MT1M: variants seen among roughly 807,000 people sequenced by gnomAD.
MT1M encodes metallothionein 1M, also known as metallothionein-1M.
Under a neutral mutation model 8.5 loss-of-function variants are expected in MT1M, and 11 were observed. That is an observed-to-expected ratio of 1.29 (90% CI 0.81 to 2.14). The LOEUF (loss-of-function observed/expected upper bound fraction) is 2.14, where lower values mean the gene tolerates loss of function less well. MT1M is among the 30% of genes most tolerant of loss of function. The pLI is 0.00. For synonymous variants in MT1M, 28 were observed against 30.0 expected (o/e 0.93, Z 0.22); for missense variants, 84 against 76.6 (o/e 1.10, Z -0.36).
At position 56,633,571 on chromosome 16, in the gene MT1M, C is replaced by G. The variant is rs1441175809; in HGVS notation, c.94+166C>G. 20 of 1,592,404 alleles carry G rather than the reference C, an allele frequency of 1.3e-5. No individual in the cohort carries two copies. The African/African-American group carries it at 2.6e-4, about 20-fold the overall frequency. On this transcript the variant is annotated intron_variant, in intron 2 of 2. Transcript: ENST00000379818. ...TGCCCTAAATTCAGATGGGGCAGGA[C>G]AGCATTTTTCTCTTGGGACACAAAT...
rs1176967946 is a variant in MT1M at position 56,633,318 on chromosome 16, T to C, written c.29-22T>C. On this transcript the variant is annotated intron_variant, in intron 1 of 2. Transcript: ENST00000379818. ...CTTCTTCATCTCACTCACTGCCCAC[T>C]GCGTTTTTCTCTTCCTTGCAGGTGT... The C allele has an allele frequency of 3.1e-6, 5 of 1,614,092 alleles. No homozygotes were observed. The African/African-American group carries it at 5.3e-5, about 17-fold the overall frequency.
chr16:56,633,059 G>A (rs1434934877), intron 1 of MT1M, among the ~76,000 whole-genome samples: 2 of 152,230 alleles, frequency 1.3e-5, no homozygotes, highest in Non-Finnish European at 2.9e-5. Context: ...TGGACTGGGG[G>A]CTGGAGACAT....
Position 56,633,895 on chromosome 16 carries a change from A to AT in MT1M, c.*61dup, listed in dbSNP as rs1436013069. On this transcript the variant is annotated 3_prime_UTR_variant, in exon 3 of 3. Transcript: ENST00000379818. ...TAATAGAACAAGCTGCACAACCTGGATTTTTTTTCAATACGATACTGAGCC... is the reference window on the plus strand; with the variant it reads ...TAATAGAACAAGCTGCACAACCTGGATTTTTTTTTCAATACGATACTGAGCC... 48 of 1,588,668 alleles carry AT rather than the reference A, an allele frequency of 3.0e-5. No individual in the cohort carries two copies. Among genetic ancestry groups the AT allele is most frequent in the Non-Finnish European group, 3.6e-5 (42 of 1,160,104 alleles).
intron 2 of MT1M, 139 bp downstream of exon 2, chr16:56,633,544 T>C (rs758348942): frequency 2.9e-5 from 47 of 1,594,904 alleles, no homozygotes; most frequent in Middle Eastern, 1.7e-4. Flanking sequence ...CTCCAGGCTT[T>C]CTGCCCTAAA....
At chr16:56,633,614 T>C (rs1445622339) in intron 2 of MT1M, 137 bp from the exon 3 acceptor site, 2 of 1,600,746 alleles carry the variant, frequency 1.2e-6, no homozygotes, top group Admixed American at 1.7e-5. Context: ...GTAGCATCTA[T>C]GGTTTCAGAA....
At chr16:56,633,115 A>C (rs1427559639) in intron 1 of MT1M, among the ~76,000 whole-genome samples, 40 of 152,178 alleles carry the variant, frequency 2.6e-4, no homozygotes, top group African/African-American at 9.2e-4. Flanking sequence ...TGGCAATCTC[A>C]GTATTCCTGG....
At position 56,633,365 on chromosome 16, in the gene MT1M, C is replaced by T; in HGVS notation, c.54C>T (p.Ser18=). The T allele has an allele frequency of 1.2e-6, 2 of 1,614,228 alleles. No individual in the cohort carries two copies. Among genetic ancestry groups the T allele is most frequent in the Non-Finnish European group, 1.7e-6 (2 of 1,180,042 alleles). Residue 18 remains serine (S), a synonymous_variant, in exon 2 of 3, where the codon TCC becomes TCT. Transcript: ENST00000379818. ...TTGVSCACTG[S]CTCKECKCTS... ...GTGTCTCCTGCGCCTGCACCGGCTCCTGCACGTGCAAAGAGTGCAAATGCA... is the reference window on the plus strand; with the variant it reads ...GTGTCTCCTGCGCCTGCACCGGCTCTTGCACGTGCAAAGAGTGCAAATGCA...
chr16:56,633,189 G>A (rs1253113826), intron 1 of MT1M, 151 bp from the exon 2 acceptor site: 11 of 1,302,546 alleles, frequency 8.4e-6, no homozygotes, highest in Non-Finnish European at 1.2e-5. Context: ...CCTTCCCAGC[G>A]TTAGTGGAGA....
intron 2 of MT1M, 98 bp downstream of exon 2, chr16:56,633,503 T>A (rs775602687): frequency 4.3e-6 from 7 of 1,611,780 alleles, no homozygotes; most frequent in Non-Finnish European, 5.9e-6. Context: ...GAACTGGGCT[T>A]TCTTTGCCCT....
At chr16:56,632,974 C>T (rs1827208) in intron 1 of MT1M, among the ~76,000 whole-genome samples, 82,687 of 152,082 alleles carry the variant, frequency 0.54, 23,910 homozygotes, top group Non-Finnish European at 0.63. Flanking sequence ...GGCAGTCCCG[C>T]TCCACATCAC....
intron 2 of MT1M, 118 bp from the exon 3 acceptor site, chr16:56,633,633 T>A: frequency 6.2e-7 from 1 of 1,600,482 alleles, no homozygotes. Flanking sequence ...AACAGAGCTG[T>A]GCCAGACGTA....
In MT1M at chr16:56,632,724, G is replaced by T. The variant is rs200480685; in HGVS notation, c.-8G>T. 1.9e-6 allele frequency: 3 copies of T among 1,613,564 alleles called. No homozygotes were observed. The highest frequency in any genetic ancestry group is 2.5e-6 in the Non-Finnish European group (3 of 1,180,032). On this transcript the variant is annotated 5_prime_UTR_variant, in exon 1 of 3. Coordinates refer to ENST00000379818, the MANE Select transcript of MT1M (RefSeq NM_176870.3). Reference sequence around the variant, plus strand: ...CGCTTGAGATCTCCAGCCTTACCGCGGCTCGAAATGGACCCCAACTGCTCC... The same window carrying T: ...CGCTTGAGATCTCCAGCCTTACCGCTGCTCGAAATGGACCCCAACTGCTCC...
chr16:56,632,837 C>G, intron 1 of MT1M, 78 bp downstream of exon 1: 1 of 1,565,796 alleles, frequency 6.4e-7, no homozygotes, highest in Non-Finnish European at 8.8e-7. Flanking sequence ...TTGAGGAGGT[C>G]GCATTTAAGT....
chr16:56,633,074 G>A (rs1176768700), intron 1 of MT1M, among the ~76,000 whole-genome samples: 1 of 152,216 alleles, frequency 6.6e-6, no homozygotes, highest in Non-Finnish European at 1.5e-5. Context: ...AGACATTTGA[G>A]TCTTCAGGGT....
chr16:56,632,778 G>T lies in MT1M; in HGVS notation c.28+19G>T, dbSNP rs1446920823. The T allele has an allele frequency of 6.2e-7, 1 of 1,613,728 alleles. No homozygotes were observed. The highest frequency in any genetic ancestry group is 1.3e-5 in the African/African-American group (1 of 74,938). ...ACCACTGGTAAGAGAAGCCGACCCT[G>T]CGCCCTAGGAATCCCATTTCCCAGC... is the stretch of plus-strand genomic sequence containing the variant. On this transcript the variant is annotated intron_variant, in intron 1 of 2. Transcript: ENST00000379818.
rs1827210 is a variant in MT1M at position 56,633,370 on chromosome 16, C to A, written c.59C>A (p.Thr20Lys). 0.83 allele frequency: 1,343,358 copies of A among 1,614,012 alleles called. 562,517 individuals are homozygous for A. Among genetic ancestry groups the A allele is most frequent in the Middle Eastern group, 0.86 (5,219 of 6,062 alleles). ...GVSCACTGSC[T>K]CKECKCTSCK... ...TCCTGCGCCTGCACCGGCTCCTGCA[C>A]GTGCAAAGAGTGCAAATGCACCTCC... The change falls in exon 2 of 3, where the codon ACG becomes AAG. Residue 20 changes from threonine (T) to lysine (K), a missense_variant. Physicochemically the swap from Thr to Lys is moderately conservative, Grantham distance 78. Transcript: ENST00000379818.
rs183241462 is a variant in MT1M, at chr16:56,632,829, G to A, written c.28+70G>A. 2.5e-6 allele frequency: 4 copies of A among 1,587,792 alleles called. No individual in the cohort carries two copies. In the African/African-American group the frequency reaches 4.0e-5, roughly 16 times the overall value. ...CCCAGTACTGAGGGTCTCTGGGTTT[G>A]AGGAGGTCGCATTTAAGTTCTGAGC... On this transcript the variant is annotated intron_variant, in intron 1 of 2. Coordinates refer to ENST00000379818, the MANE Select transcript of MT1M (RefSeq NM_176870.3).
chr16:56,633,640 C>A, intron 2 of MT1M, 111 bp from the exon 3 acceptor site: 3 of 1,599,080 alleles, frequency 1.9e-6, no homozygotes, highest in Non-Finnish European at 2.6e-6. Flanking sequence ...CTGTGCCAGA[C>A]GTAAAAAGCT....
At position 56,633,673 on chromosome 16, in the gene MT1M, C is replaced by T. The variant is rs1272842764; in HGVS notation, c.95-78C>T. The T allele has an allele frequency of 6.9e-6, 11 of 1,603,622 alleles. No homozygotes were observed. In the Admixed American group the frequency reaches 1.8e-4, roughly 27 times the overall value. ...GCTTCCTCTGGGTCTGGGTTCTGAG[C>T]TCCAGCCAGGCTTGCTATTGGGGCA... is the stretch of plus-strand genomic sequence containing the variant. On this transcript the variant is annotated intron_variant, in intron 2 of 2. Coordinates refer to ENST00000379818, the MANE Select transcript of MT1M (RefSeq NM_176870.3).
Sources: gnomAD v4.1 joint callset for allele counts (sites outside exome capture counted in the v4.1 genomes callset) on GRCh38, gnomAD v4.1.1 for gene constraint, MANE v1.5 for transcripts, NCBI Gene and HGNC (gene_info 2026-07-23, HGNC 2026-07-21) for gene names.